The following OXR1 variants were observed in gnomAD, a reference collection of about 807,000 sequenced individuals.
OXR1 encodes oxidation resistance 1.
OXR1 carries 41 observed loss-of-function variants against 104.6 expected under a neutral mutation model. That is an observed-to-expected ratio of 0.39 (90% confidence interval 0.31 to 0.51). The LOEUF is 0.51. Among genes scored for constraint, OXR1 ranks in the 20% least tolerant of loss-of-function variants. The pLI, the probability that OXR1 is intolerant of heterozygous loss-of-function variation, is 0.77. For synonymous variants in OXR1, 348 were observed against 348.4 expected (o/e 1.00, Z 0.01); for missense variants, 955 against 1,031.9 (o/e 0.93, Z 1.02).
chr8:106,372,367 G>T (rs1753950637), intron 2 of OXR1, among the ~76,000 whole-genome samples: 1 of 151,808 alleles, frequency 6.6e-6, no homozygotes, highest in Non-Finnish European at 1.5e-5. Context: ...AGAGAACCTG[G>T]ATACCTTGGT....
intron 3 of OXR1, among the ~76,000 whole-genome samples, chr8:106,665,887 A>G (rs1826259030): frequency 6.6e-6 from 1 of 152,166 alleles, no homozygotes; most frequent in Non-Finnish European, 1.5e-5. Flanking sequence ...TGTCCCTAGG[A>G]TAAAGATAAA....
intron 3 of OXR1, among the ~76,000 whole-genome samples, chr8:106,551,031 T>C (rs898604546): frequency 2.0e-5 from 3 of 152,236 alleles, no homozygotes; most frequent in Non-Finnish European, 2.9e-5. Context: ...ACCTGTCCTC[T>C]GAAACGTACT....
At chr8:106,416,517 T>C (rs1488922432) in intron 2 of OXR1, among the ~76,000 whole-genome samples, 1 of 151,984 alleles carries the variant, frequency 6.6e-6, no homozygotes, top group Non-Finnish European at 1.5e-5. Flanking sequence ...GGAATTAGAG[T>C]TCTAATATAT....
At chr8:106,498,009 G>A (rs1342178163) in intron 2 of OXR1, among the ~76,000 whole-genome samples, 2 of 152,060 alleles carry the variant, frequency 1.3e-5, no homozygotes, top group African/African-American at 2.4e-5. Context: ...GGGTTCAAAT[G>A]TACTGTCTCA....
intron 1 of OXR1, among the ~76,000 whole-genome samples, chr8:106,283,565 G>T (rs554054067): frequency 2.1e-4 from 32 of 152,118 alleles, no homozygotes; most frequent in Non-Finnish European, 4.0e-4. Context: ...TTATTCTAAG[G>T]GCTGTCATGC....
chr8:106,726,432 T>C (rs1833353738), intron 11 of OXR1: 7 of 568,920 alleles, frequency 1.2e-5, no homozygotes, highest in Non-Finnish European at 2.0e-5. Flanking sequence ...CAAAATTTTA[T>C]GATTGTACAA....
chr8:106,564,480 G>A (rs1816928534), intron 3 of OXR1, among the ~76,000 whole-genome samples: 1 of 151,908 alleles, frequency 6.6e-6, no homozygotes, highest in African/African-American at 2.4e-5. Flanking sequence ...CTGAAATTGA[G>A]GCAGTAATTA....
At chr8:106,479,485 TAC>T (rs1821989295) in intron 2 of OXR1, among the ~76,000 whole-genome samples, 2 of 152,016 alleles carry the variant, frequency 1.3e-5, no homozygotes, top group South Asian at 4.1e-4. Context: ...TAAATTCACT[TAC>T]ACTGTTGCAT....
rs181425605 is a variant in OXR1 at position 106,663,122 on chromosome 8, G to A, written c.221-16088G>A. On this transcript the variant is annotated intron_variant, in intron 3 of 16. Transcript: ENST00000517566. ...AAGCATTTCAGATAAGTGGTACTCAGCCTATAGCAAGAATGATAGCTGTAA... is the reference window on the plus strand; with the variant it reads ...AAGCATTTCAGATAAGTGGTACTCAACCTATAGCAAGAATGATAGCTGTAA... 7.9e-5 allele frequency among the ~76,000 whole-genome samples: 12 copies of A among 152,268 alleles called. No homozygotes were observed. The East Asian group carries it at 2.3e-3, about 29-fold the overall frequency.
chr8:106,585,423 A>G (rs1296442487), intron 3 of OXR1, among the ~76,000 whole-genome samples: 2 of 152,150 alleles, frequency 1.3e-5, no homozygotes, highest in African/African-American at 4.8e-5. Context: ...GCTAGGTTGT[A>G]TATCCATTAC....
intron 2 of OXR1, among the ~76,000 whole-genome samples, chr8:106,372,401 T>C (rs1360909716): frequency 1.3e-5 from 2 of 151,102 alleles, no homozygotes; most frequent in East Asian, 1.9e-4. Flanking sequence ...TTCACATGCT[T>C]ATTATGTTTT....
intron 3 of OXR1, among the ~76,000 whole-genome samples, chr8:106,574,544 G>T (rs1051120398): frequency 6.6e-6 from 1 of 152,222 alleles, no homozygotes; most frequent in African/African-American, 2.4e-5. Context: ...TTACTGGACA[G>T]CATTGGGCAC....
intron 2 of OXR1, among the ~76,000 whole-genome samples, chr8:106,493,708 A>G (rs1248778152): frequency 2.6e-5 from 4 of 152,180 alleles, no homozygotes; most frequent in Non-Finnish European, 4.4e-5. Flanking sequence ...GGGGCTTAGG[A>G]TCGGCTAATT....
intron 2 of OXR1, among the ~76,000 whole-genome samples, chr8:106,474,250 AC>A (rs1821683661): frequency 1.3e-5 from 2 of 151,694 alleles, no homozygotes; most frequent in South Asian, 4.1e-4. Context: ...GCAGCATACT[AC>A]TGGATGTGTA....
At chr8:106,650,186 G>A (rs553822884) in intron 3 of OXR1, among the ~76,000 whole-genome samples, 1 of 152,274 alleles carries the variant, frequency 6.6e-6, no homozygotes, top group East Asian at 1.9e-4. Context: ...ATGTTTTACA[G>A]GCACTCTTGT....
At chr8:106,682,489 C>G (rs534329276) in intron 4 of OXR1, 1 of 153,506 alleles carries the variant, frequency 6.5e-6, no homozygotes, top group Non-Finnish European at 1.5e-5. Context: ...AGGATGTTCT[C>G]GATCTCCTGA....
chr8:106,337,230 T>C (rs959898616), intron 1 of OXR1, among the ~76,000 whole-genome samples: 14 of 152,168 alleles, frequency 9.2e-5, no homozygotes, highest in African/African-American at 3.4e-4. Context: ...ATTATTATTA[T>C]GAAAAAATAA....
chr8:106,739,366 C>T lies in OXR1; in HGVS notation c.2038-92C>T, dbSNP rs192003309. 159 of 1,131,764 alleles carry T rather than the reference C, an allele frequency of 1.4e-4. No homozygotes were observed. The East Asian group carries it at 2.6e-3, about 18-fold the overall frequency. 70.1% of individuals were successfully genotyped at this position (1,131,764 alleles called of 1,614,324 possible). ...GTTAAAGATTTAGCCACATTTTCTACGATATAAAGCTTTATTTATCTGAAA... is the reference window on the plus strand; with the variant it reads ...GTTAAAGATTTAGCCACATTTTCTATGATATAAAGCTTTATTTATCTGAAA... On this transcript the variant is annotated intron_variant, in intron 12 of 16. Transcript: ENST00000517566.
At chr8:106,484,365 G>C (rs1822319177) in intron 2 of OXR1, among the ~76,000 whole-genome samples, 1 of 151,986 alleles carries the variant, frequency 6.6e-6, no homozygotes, top group Admixed American at 6.6e-5. Flanking sequence ...GCCCTGAATT[G>C]ATCATTACAC....
Sources: gnomAD v4.1 joint callset for allele counts (sites outside exome capture counted in the v4.1 genomes callset) on GRCh38, gnomAD v4.1.1 for gene constraint, MANE v1.5 for transcripts, NCBI Gene and HGNC (gene_info 2026-07-23, HGNC 2026-07-21) for gene names.